The following UNC5C variants were observed in gnomAD, a reference collection of about 807,000 sequenced individuals.
UNC5C encodes the protein unc-5 netrin receptor C.
UNC5C carries 47 observed loss-of-function variants against 99.8 expected under a neutral mutation model. That is an observed-to-expected ratio of 0.47 (90% CI 0.37 to 0.60). UNC5C has a LOEUF of 0.60. Among genes scored for constraint, UNC5C ranks in the 20% least tolerant of loss-of-function variants. UNC5C has a pLI of 0.00. For synonymous variants in UNC5C, 487 were observed against 452.2 expected (o/e 1.08, Z -0.98); for missense variants, 1,062 against 1,165.9 (o/e 0.91, Z 1.30).
At chr4:95,429,280 T>TAAAAAAAAAAA (rs112203195) in intron 1 of UNC5C, among the ~76,000 whole-genome samples, 4 of 94,934 alleles carry the variant, frequency 4.2e-5, no homozygotes, top group African/African-American at 1.2e-4. Flanking sequence ...TAGTGATTCT[T>TAAAAAAAAAAA]AAAAAAAAAA....
chr4:95,400,286 G>A (rs555988722), intron 1 of UNC5C, among the ~76,000 whole-genome samples: 1 of 151,744 alleles, frequency 6.6e-6, no homozygotes, highest in African/African-American at 2.4e-5. Context: ...TCTGAGAGAG[G>A]AGAAATGTCA....
At chr4:95,313,034 T>C (rs950461457) in intron 2 of UNC5C, among the ~76,000 whole-genome samples, 1 of 152,120 alleles carries the variant, frequency 6.6e-6, no homozygotes, top group Non-Finnish European at 1.5e-5. Context: ...GATGGACAGA[T>C]TGAGGGACCA....
chr4:95,185,218 C>G (rs748822346), intron 12 of UNC5C, 22 bp from the exon 13 acceptor site: 11 of 1,587,070 alleles, frequency 6.9e-6, no homozygotes, highest in Non-Finnish European at 8.5e-6. Context: ...TGCCCCAAAC[C>G]CAAAGCACGT....
At chr4:95,460,226 T>G (rs1401723161) in intron 1 of UNC5C, among the ~76,000 whole-genome samples, 2 of 150,270 alleles carry the variant, frequency 1.3e-5, no homozygotes, top group African/African-American at 4.9e-5. Flanking sequence ...TTTTTCGTAT[T>G]TCTTTATAAC....
intron 1 of UNC5C, among the ~76,000 whole-genome samples, chr4:95,391,757 TAAAAAAA>T (rs61515733): frequency 7.9e-5 from 10 of 125,908 alleles, no homozygotes; most frequent in African/African-American, 1.8e-4. Context: ...CCTTTCATGG[TAAAAAAA>T]AAAAAAAAAA....
chr4:95,306,373 T>C (rs1453474661), intron 2 of UNC5C, among the ~76,000 whole-genome samples: 2 of 152,008 alleles, frequency 1.3e-5, no homozygotes, highest in Non-Finnish European at 2.9e-5. Flanking sequence ...TGGCTAATTT[T>C]TTGTATTTTT....
chr4:95,471,444 G>T (rs1431570471), intron 1 of UNC5C, among the ~76,000 whole-genome samples: 1 of 152,084 alleles, frequency 6.6e-6, no homozygotes, highest in African/African-American at 2.4e-5. Context: ...TATCACAGCA[G>T]AGAAAATTAG....
intron 4 of UNC5C, among the ~76,000 whole-genome samples, chr4:95,256,616 T>C (rs1739992997): frequency 6.6e-6 from 1 of 151,414 alleles, no homozygotes. Context: ...TTTTCAAGAC[T>C]GTAGTTAGAG....
At chr4:95,346,503 TG>T (rs1743778645) in intron 1 of UNC5C, among the ~76,000 whole-genome samples, 1 of 152,004 alleles carries the variant, frequency 6.6e-6, no homozygotes, top group African/African-American at 2.4e-5. Flanking sequence ...TCAGTATCCC[TG>T]ATATTGAACA....
intron 1 of UNC5C, among the ~76,000 whole-genome samples, chr4:95,429,174 G>A (rs1746564299): frequency 6.6e-6 from 1 of 151,328 alleles, no homozygotes; most frequent in East Asian, 1.9e-4. Flanking sequence ...TAAAACTAGC[G>A]TTTAGATGAC....
At chr4:95,274,983 G>C (rs1740802608) in intron 4 of UNC5C, among the ~76,000 whole-genome samples, 1 of 150,156 alleles carries the variant, frequency 6.7e-6, no homozygotes, top group Admixed American at 6.6e-5. Flanking sequence ...CCAAGATCAC[G>C]CCACTGCACT....
At chr4:95,262,760 G>A (rs1338286725) in intron 4 of UNC5C, among the ~76,000 whole-genome samples, 2 of 151,834 alleles carry the variant, frequency 1.3e-5, no homozygotes, top group African/African-American at 4.8e-5. Context: ...AAAACCTATG[G>A]GGGAAATGGC....
At chr4:95,407,261 G>C (rs972268712) in intron 1 of UNC5C, among the ~76,000 whole-genome samples, 1 of 151,890 alleles carries the variant, frequency 6.6e-6, no homozygotes, top group African/African-American at 2.4e-5. Flanking sequence ...GTGTTTTTTG[G>C]GATACGAGGG....
At chr4:95,504,284 C>A (rs889584761) in intron 1 of UNC5C, among the ~76,000 whole-genome samples, 7 of 152,032 alleles carry the variant, frequency 4.6e-5, no homozygotes, top group African/African-American at 1.4e-4. Context: ...AACAGCACTC[C>A]CCTCTGAACA....
chr4:95,237,284 A>G (rs1739154046), intron 7 of UNC5C, among the ~76,000 whole-genome samples: 1 of 152,174 alleles, frequency 6.6e-6, no homozygotes, highest in African/African-American at 2.4e-5. Context: ...AAGTAGAATT[A>G]TTGGGTCAAA....
At chr4:95,495,028 G>A (rs544093380) in intron 1 of UNC5C, among the ~76,000 whole-genome samples, 2 of 151,560 alleles carry the variant, frequency 1.3e-5, no homozygotes, top group African/African-American at 4.8e-5. Context: ...TTGTGCATGT[G>A]AATCAATATA....
chr4:95,356,387 T>C (rs1002296373), intron 1 of UNC5C, among the ~76,000 whole-genome samples: 1 of 152,072 alleles, frequency 6.6e-6, no homozygotes, highest in Non-Finnish European at 1.5e-5. Flanking sequence ...AGTTACCATA[T>C]CACTTACCAA....
At chr4:95,356,220 A>G (rs1332092096) in intron 1 of UNC5C, among the ~76,000 whole-genome samples, 1 of 134,588 alleles carries the variant, frequency 7.4e-6, no homozygotes, top group Non-Finnish European at 1.6e-5. Context: ...AAACAAAACA[A>G]AAAAAAAACA....
At chr4:95,539,617 C>T (rs1186491166) in intron 1 of UNC5C, among the ~76,000 whole-genome samples, 1 of 152,088 alleles carries the variant, frequency 6.6e-6, no homozygotes, top group African/African-American at 2.4e-5. Context: ...TGAAAATGAA[C>T]TCTTGCTCCT....
Sources: gnomAD v4.1 joint callset for allele counts (sites outside exome capture counted in the v4.1 genomes callset) on GRCh38, gnomAD v4.1.1 for gene constraint, MANE v1.5 for transcripts, NCBI Gene and HGNC (gene_info 2026-07-23, HGNC 2026-07-21) for gene names.